The following ANKRD52 variants were observed in gnomAD, a reference collection of about 807,000 sequenced individuals.
ANKRD52 encodes the protein ankyrin repeat domain 52.
Under a neutral mutation model 116.0 loss-of-function variants are expected in ANKRD52, and 7 were observed. The ratio of observed to expected loss-of-function variants is 0.06; its 90% CI spans 0.03 to 0.11. ANKRD52 has a LOEUF of 0.11. ANKRD52 is among the 10% of genes least tolerant of loss of function. The pLI is 1.00. For synonymous variants in ANKRD52, 528 were observed against 578.1 expected (o/e 0.91, Z 1.24); for missense variants, 839 against 1,408.6 (o/e 0.60, Z 6.47).
At position 56,244,468 on chromosome 12, in the gene ANKRD52, C is replaced by T. The variant is rs1871303436; in HGVS notation, c.2723-33G>A. ...AGAAATGTGATAGAGGGACTGACCC[C>T]TCCCTCCAGAGCAGTAGCCATCCTG... On this transcript the variant is annotated intron_variant, in intron 24 of 27. Transcript: ENST00000267116. The surrounding 1 kb of genome is among the most constrained non-coding windows in gnomAD (Gnocchi z 4.9). 6.2e-7 allele frequency: 1 copy of T among 1,609,028 alleles called. No individual in the cohort carries two copies. Among genetic ancestry groups the T allele is most frequent in the South Asian group, 1.1e-5 (1 of 90,856 alleles).
At position 56,252,813 on chromosome 12, in the gene ANKRD52, C is replaced by T; in HGVS notation, c.1268G>A (p.Gly423Asp). 6.2e-7 allele frequency: 1 copy of T among 1,613,806 alleles called. No homozygotes were observed. The highest frequency in any genetic ancestry group is 8.5e-7 in the Non-Finnish European group (1 of 1,179,892). The change falls in exon 12 of 28, where the codon GGC becomes GAC. Residue 423 changes from glycine (G) to aspartate (D), a missense_variant. Around this residue, in one of 2 missense-constraint regions of ANKRD52, gnomAD observed 287 missense variants for 598.1 expected, o/e 0.48. Transcript: ENST00000267116. This position sits in a 1 kb window ranked among gnomAD's most constrained non-coding sequence, Gnocchi z 4.7. ...GFDINTPDNL[G>D]RTCLHAAASG... ...AGCAGCAGCATGAAGACAGGTACGG[C>T]CAAGGTTGTCAGGTGTATTGATGTC... is the stretch of plus-strand genomic sequence containing the variant.
In ANKRD52 at chr12:56,243,135, G is replaced by A; in HGVS notation, c.*7C>T. On this transcript the variant is annotated 3_prime_UTR_variant, in exon 28 of 28. Coordinates refer to ENST00000267116, the MANE Select transcript of ANKRD52 (RefSeq NM_173595.4). The surrounding 1 kb of genome is among the most constrained non-coding windows in gnomAD (Gnocchi z 4.6). ...AGCCACCGGCGGGGGAGGGACACTG[G>A]AGGGGGCTACTCAGAGTAGCAGCCA... The A allele has an allele frequency of 6.3e-7, 1 of 1,583,906 alleles. No homozygotes were observed. The highest frequency in any genetic ancestry group is 8.6e-7 in the Non-Finnish European group (1 of 1,162,642).
chr12:56,247,795 G>T (rs375304083), intron 18 of ANKRD52, 21 bp from the exon 19 acceptor site: 1 of 1,605,438 alleles, frequency 6.2e-7, no homozygotes, highest in Non-Finnish European at 8.5e-7. Context: ...GGGACCCCGT[G>T]TCAGGGCAGG....
chr12:56,237,960 G>T lies in ANKRD52; in HGVS notation c.*5182C>A. 2 of 374,576 alleles carry T rather than the reference G, an allele frequency of 5.3e-6. No individual in the cohort carries two copies. Among genetic ancestry groups the T allele is most frequent in the Non-Finnish European group, 9.5e-6 (2 of 210,676 alleles). The allele number at this position is 374,576 out of a possible 1,614,324, so 23.2% of individuals were successfully genotyped here. ...TGAGTAGGGGCCTGGAGGGTGCAGG[G>T]TCATTAATCTGCGGGGAGAACATTG... is the stretch of plus-strand genomic sequence containing the variant. On this transcript the variant is annotated 3_prime_UTR_variant, in exon 28 of 28. Coordinates refer to ENST00000267116, the MANE Select transcript of ANKRD52 (RefSeq NM_173595.4).
rs748891036 is a variant in ANKRD52, at chr12:56,257,858, T to G, written c.81A>C (p.Leu27=). The G allele has an allele frequency of 1.2e-6, 2 of 1,612,606 alleles. No homozygotes were observed. The highest frequency in any genetic ancestry group is 4.5e-5 in the East Asian group (2 of 44,800). The change falls in exon 2 of 28, where the codon CTA becomes CTC. Residue 27 remains leucine, a synonymous_variant. Transcript: ENST00000267116. ...FSRDVEEVRS[L]LSQKENINVL... ...CATTGATGTTCTCCTTCTGCGAGAGTAGGGAACGCACTTCCTCCACATCTC... is the reference window on the plus strand; with the variant it reads ...CATTGATGTTCTCCTTCTGCGAGAGGAGGGAACGCACTTCCTCCACATCTC...
At position 56,238,110 on chromosome 12, in the gene ANKRD52, C is replaced by T. The variant is rs1321739486; in HGVS notation, c.*5032G>A. 4 of 197,178 alleles carry T rather than the reference C, an allele frequency of 2.0e-5. No homozygotes were observed. The highest frequency in any genetic ancestry group is 3.1e-5 in the Non-Finnish European group (3 of 98,138). The allele number at this position is 197,178 out of a possible 1,614,324, so 12.2% of individuals were successfully genotyped here. A position where few individuals can be genotyped will look rare whatever the true frequency, so the allele number is the denominator to read the frequency against. ...TCTGCCCCTTATTGCTGCCCACCAG[C>T]GTTAAACGCCCCCGATCCCAACACT... On this transcript the variant is annotated 3_prime_UTR_variant, in exon 28 of 28. Coordinates refer to ENST00000267116, the MANE Select transcript of ANKRD52 (RefSeq NM_173595.4).
chr12:56,243,655 G>T lies in ANKRD52; in HGVS notation c.2980+130C>A. 2 of 1,070,924 alleles carry T rather than the reference G, an allele frequency of 1.9e-6. No homozygotes were observed. Among genetic ancestry groups the T allele is most frequent in the Non-Finnish European group, 2.7e-6 (2 of 742,040 alleles). The allele number at this position is 1,070,924 out of a possible 1,614,324, so 66.3% of individuals were successfully genotyped here. A position where few individuals can be genotyped will look rare whatever the true frequency, so the allele number is the denominator to read the frequency against. ...CCCTCTGAGACTCCAGAGTACTGGTGTGGGCTCCCTGCTCTGAAGAGTTCC... is the reference window on the plus strand; with the variant it reads ...CCCTCTGAGACTCCAGAGTACTGGTTTGGGCTCCCTGCTCTGAAGAGTTCC... On this transcript the variant is annotated intron_variant, in intron 27 of 27. Coordinates refer to ENST00000267116, the MANE Select transcript of ANKRD52 (RefSeq NM_173595.4). The surrounding 1 kb of genome is among the most constrained non-coding windows in gnomAD (Gnocchi z 4.6).
Position 56,242,067 on chromosome 12 carries a change from G to C in ANKRD52, c.*1075C>G, listed in dbSNP as rs569524506. 16 of 398,586 alleles carry C rather than the reference G, an allele frequency of 4.0e-5. No individual in the cohort carries two copies. In the Admixed American group the frequency reaches 6.6e-4, roughly 16 times the overall value. The allele number at this position is 398,586 out of a possible 1,614,324, so 24.7% of individuals were successfully genotyped here. On this transcript the variant is annotated 3_prime_UTR_variant, in exon 28 of 28. Transcript: ENST00000267116. This position sits in a 1 kb window ranked among gnomAD's most constrained non-coding sequence, Gnocchi z 4.3. ...TTTGGCTTCAGATCAGGAGTGACTG[G>C]GGCAGTGGGTACTCTTGGACATAAC...
At chr12:56,257,976 GGTGGGGGAGCACCTAGGTTTGA>G (rs1255710980) in intron 1 of ANKRD52, 65 bp from the exon 2 acceptor site, 18 of 1,488,054 alleles carry the variant, frequency 1.2e-5, no homozygotes, top group African/African-American at 2.8e-5. Context: ...TGGGGGTGGG[GGTGGGGGAGCACCTAGGTTTGA>G]GTGGGGGGCG....
At position 56,243,991 on chromosome 12, in the gene ANKRD52, C is replaced by A. The variant is rs1381218441; in HGVS notation, c.2888+60G>T. ...GCTCCAGAGAGCCTCTGAACAGCGG[C>A]CACTCTTTCATCACCCACTGGCCTC... On this transcript the variant is annotated intron_variant, in intron 26 of 27. Transcript: ENST00000267116. The surrounding 1 kb of genome is among the most constrained non-coding windows in gnomAD (Gnocchi z 4.6). The A allele has an allele frequency of 1.2e-6, 2 of 1,606,312 alleles. No homozygotes were observed. Among genetic ancestry groups the A allele is most frequent in the Non-Finnish European group, 1.7e-6 (2 of 1,174,732 alleles).
At position 56,243,137 on chromosome 12, in the gene ANKRD52, G is replaced by T. The variant is rs1477815409; in HGVS notation, c.*5C>A. 8 of 1,584,236 alleles carry T rather than the reference G, an allele frequency of 5.0e-6. No individual in the cohort carries two copies. Among genetic ancestry groups the T allele is most frequent in the African/African-American group, 1.3e-5 (1 of 74,236 alleles). On this transcript the variant is annotated 3_prime_UTR_variant, in exon 28 of 28. Transcript: ENST00000267116. This position sits in a 1 kb window ranked among gnomAD's most constrained non-coding sequence, Gnocchi z 4.6. ...CCACCGGCGGGGGAGGGACACTGGA[G>T]GGGGCTACTCAGAGTAGCAGCCATC...
rs374778126 is a variant in ANKRD52, at chr12:56,248,719, C to T, written c.1704+40G>A. 1.2e-4 allele frequency: 183 copies of T among 1,551,094 alleles called. No individual in the cohort carries two copies. The highest frequency in any genetic ancestry group is 1.4e-4 in the Non-Finnish European group (158 of 1,136,240). On this transcript the variant is annotated intron_variant, in intron 16 of 27. Coordinates refer to ENST00000267116, the MANE Select transcript of ANKRD52 (RefSeq NM_173595.4). This position sits in a 1 kb window ranked among gnomAD's most constrained non-coding sequence, Gnocchi z 5.1. ...TGGAATCCACAAACCCTGTGCCCTG[C>T]CCCTGCCTCCCCTCCTGCAGGCCGG... is the stretch of plus-strand genomic sequence containing the variant.
At position 56,252,405 on chromosome 12, in the gene ANKRD52, TCTC is replaced by T; in HGVS notation, c.1371-93_1371-91del. The T allele has an allele frequency of 6.3e-7, 1 of 1,594,186 alleles. No homozygotes were observed. The highest frequency in any genetic ancestry group is 8.6e-7 in the Non-Finnish European group (1 of 1,162,812). Reference sequence around the variant, plus strand: ...GCAGCCAAATGCTGCTTTGTAACATTCTCCTTATTTAAGTCTCCAATCTAAACC... The same window carrying T: ...GCAGCCAAATGCTGCTTTGTAACATTCTTATTTAAGTCTCCAATCTAAACC... On this transcript the variant is annotated intron_variant, in intron 13 of 27. Transcript: ENST00000267116. The surrounding 1 kb of genome is among the most constrained non-coding windows in gnomAD (Gnocchi z 4.7).
At position 56,241,817 on chromosome 12, in the gene ANKRD52, C is replaced by T. The variant is rs116392651; in HGVS notation, c.*1325G>A. ...AATGCTACATTTAGAGAGAAAACTGCCCCCTCTTCACTCCAGCCCAGTTTG... is the reference window on the plus strand; with the variant it reads ...AATGCTACATTTAGAGAGAAAACTGTCCCCTCTTCACTCCAGCCCAGTTTG... On this transcript the variant is annotated 3_prime_UTR_variant, in exon 28 of 28. Coordinates refer to ENST00000267116, the MANE Select transcript of ANKRD52 (RefSeq NM_173595.4). The T allele has an allele frequency of 2.6e-3, 1,025 of 396,372 alleles. 11 individuals are homozygous for T. Among genetic ancestry groups the T allele is most frequent in the African/African-American group, 0.02 (950 of 48,712 alleles). The allele number at this position is 396,372 out of a possible 1,614,324, so 24.6% of individuals were successfully genotyped here. A position where few individuals can be genotyped will look rare whatever the true frequency, so the allele number is the denominator to read the frequency against.
intron 15 of ANKRD52, among the ~76,000 whole-genome samples, chr12:56,250,263 T>C (rs976669825): frequency 1.3e-5 from 2 of 151,634 alleles, no homozygotes; most frequent in East Asian, 1.9e-4. Flanking sequence ...TGAGTTCTCA[T>C]TATGTGTTAG....
In ANKRD52 at chr12:56,252,402, C is replaced by T; in HGVS notation, c.1371-87G>A. 1 of 1,595,196 alleles carries T rather than the reference C, an allele frequency of 6.3e-7. No individual in the cohort carries two copies. Among genetic ancestry groups the T allele is most frequent in the Non-Finnish European group, 8.6e-7 (1 of 1,163,732 alleles). On this transcript the variant is annotated intron_variant, in intron 13 of 27. Coordinates refer to ENST00000267116, the MANE Select transcript of ANKRD52 (RefSeq NM_173595.4). This position sits in a 1 kb window ranked among gnomAD's most constrained non-coding sequence, Gnocchi z 4.7. ...TGTGCAGCCAAATGCTGCTTTGTAA[C>T]ATTCTCCTTATTTAAGTCTCCAATC... is the stretch of plus-strand genomic sequence containing the variant.
chr12:56,257,930 T>C lies in ANKRD52; in HGVS notation c.28-19A>G, dbSNP rs981684909. 1.9e-6 allele frequency: 3 copies of C among 1,608,492 alleles called. No homozygotes were observed. The highest frequency in any genetic ancestry group is 2.5e-6 in the Non-Finnish European group (3 of 1,177,378). On this transcript the variant is annotated intron_variant, in intron 1 of 27. Coordinates refer to ENST00000267116, the MANE Select transcript of ANKRD52 (RefSeq NM_173595.4). Reference sequence around the variant, plus strand: ...GGGGCGGCTGCAGAGAGAACCGGCATTCTGAGAGCGGGCTGGAGCCGGAGC... The same window carrying C: ...GGGGCGGCTGCAGAGAGAACCGGCACTCTGAGAGCGGGCTGGAGCCGGAGC...
At chr12:56,257,189 A>T in intron 3 of ANKRD52, 94 bp downstream of exon 3, 2 of 1,547,628 alleles carry the variant, frequency 1.3e-6, no homozygotes, top group African/African-American at 1.4e-5. Context: ...CCTCGCCTGG[A>T]CCAAGCCGGG....
chr12:56,257,279 T>C lies in ANKRD52; in HGVS notation c.190+4A>G. 1 of 1,590,544 alleles carries C rather than the reference T, an allele frequency of 6.3e-7. No individual in the cohort carries two copies. Among genetic ancestry groups the C allele is most frequent in the Non-Finnish European group, 8.6e-7 (1 of 1,168,312 alleles). On this transcript the variant is annotated splice_donor_region_variant and intron_variant, in intron 3 of 27. Transcript: ENST00000267116. ...TGCCACACCTTCCAGCTCCCCACTT[T>C]CACCTGACATCAGTAGCAACTGGAG...
Sources: gnomAD v4.1 joint callset for allele counts (sites outside exome capture counted in the v4.1 genomes callset) on GRCh38, gnomAD v4.1.1 for gene constraint, gnomAD v4.1.1 regional missense constraint, Gnocchi (gnomAD v3.1) non-coding constraint, MANE v1.5 for transcripts, NCBI Gene and HGNC (gene_info 2026-07-23, HGNC 2026-07-21) for gene names.